SCN3A: variants seen among roughly 807,000 people sequenced by gnomAD.
SCN3A encodes the protein sodium voltage-gated channel alpha subunit 3, also known as sodium channel protein type 3 subunit alpha.
In SCN3A, 60 loss-of-function variants were observed where a neutral mutation model predicts 187.6. The ratio of observed to expected loss-of-function variants is 0.32; its 90% CI spans 0.26 to 0.40. The LOEUF (loss-of-function observed/expected upper bound fraction) is 0.40. SCN3A is among the 10% of genes least tolerant of loss of function. The pLI is 1.00. For synonymous variants in SCN3A, 788 were observed against 829.2 expected, an observed-to-expected ratio of 0.95 and a Z score of 0.85; for missense variants, 1,601 against 2,428.2, an observed-to-expected ratio of 0.66 and a Z score of 7.16.
In SCN3A at chr2:165,155,045, C is replaced by G. The variant is rs374132231; in HGVS notation, c.1174-387G>C. Among the ~76,000 whole-genome samples the G allele has an allele frequency of 2.3e-4, 35 of 152,244 alleles. No individual in the cohort carries two copies. In the East Asian group the frequency reaches 4.3e-3, roughly 19 times the overall value. On this transcript the variant is annotated intron_variant, in intron 10 of 27. Coordinates refer to ENST00000283254, the MANE Select transcript of SCN3A (RefSeq NM_006922.4). Reference sequence around the variant, plus strand: ...ATACCATCTATAGATGACTTTTGCTCCCCTCCCCTTCTAGTCTCAGTTAAT... The same window carrying G: ...ATACCATCTATAGATGACTTTTGCTGCCCTCCCCTTCTAGTCTCAGTTAAT...
In SCN3A at chr2:165,090,483, A is replaced by G. The variant is rs73969174; in HGVS notation, c.5670T>C (p.Pro1890=). 1.2e-3 allele frequency: 2,012 copies of G among 1,614,038 alleles called. 19 individuals carry two copies. The African/African-American group carries it at 0.024, about 20-fold the overall frequency. The stretch of plus-strand genomic sequence containing the variant: ...GTTTACGTTTCAAAGTGGTTGTAAT[A>G]GGCTCATAAGAGACTTTGGAGGGGT... ...ASNPSKVSYE[P]ITTTLKRKQE... The change falls in exon 28 of 28, where the codon CCT becomes CCC. Residue 1890 remains proline (P), a synonymous_variant. Coordinates refer to ENST00000283254, the MANE Select transcript of SCN3A (RefSeq NM_006922.4). The surrounding 1 kb of genome is among the most constrained non-coding windows in gnomAD (Gnocchi z 4.0).
intron 5 of SCN3A, 38 bp downstream of exon 5, chr2:165,168,698 G>T: frequency 1.5e-6 from 2 of 1,323,192 alleles, no homozygotes; most frequent in Non-Finnish European, 2.2e-6. Flanking sequence ...GAGAATTTGA[G>T]TGTGCATTTC....
At chr2:165,095,467 C>T (rs368353826) in intron 25 of SCN3A, 44 bp downstream of exon 25, 1 of 1,593,456 alleles carries the variant, frequency 6.3e-7, no homozygotes, top group East Asian at 2.2e-5. Context: ...TATTAACAGA[C>T]AGAACCCCAG....
Position 165,092,543 on chromosome 2 carries a change from G to A in SCN3A, c.4537-19C>T. ...ATTTGTTCTAGAAAGTGAGAGAAGA[G>A]AAATAAGGTTACTATATATATTTCA... On this transcript the variant is annotated intron_variant, in intron 26 of 27. Transcript: ENST00000283254. The surrounding 1 kb of genome is among the most constrained non-coding windows in gnomAD (Gnocchi z 4.2). The A allele has an allele frequency of 6.2e-7, 1 of 1,601,874 alleles. No individual in the cohort carries two copies.
rs1685174883 is a variant in SCN3A at position 165,092,795 on chromosome 2, G to A, written c.4537-271C>T. The A allele has an allele frequency of 2.5e-6, 1 of 393,678 alleles. No individual in the cohort carries two copies. The highest frequency in any genetic ancestry group is 5.3e-5 in the East Asian group (1 of 18,902). 24.4% of individuals were successfully genotyped at this position (393,678 alleles called of 1,614,324 possible). A position where few individuals can be genotyped will look rare whatever the true frequency, so the allele number is the denominator to read the frequency against. On this transcript the variant is annotated intron_variant, in intron 26 of 27. Transcript: ENST00000283254. The surrounding 1 kb of genome is among the most constrained non-coding windows in gnomAD (Gnocchi z 4.2). ...ATTAAGGCTGGGCGTGGCAACTCATGCCTGTAATTCCAGCACTTTAGGAGG... is the reference window on the plus strand; with the variant it reads ...ATTAAGGCTGGGCGTGGCAACTCATACCTGTAATTCCAGCACTTTAGGAGG...
intron 22 of SCN3A, among the ~76,000 whole-genome samples, chr2:165,099,755 AG>A (rs1372010164): frequency 6.6e-6 from 1 of 152,110 alleles, no homozygotes; most frequent in African/African-American, 2.4e-5. Context: ...AAAACTCTGG[AG>A]GTTGCCTGAA....
In SCN3A at chr2:165,176,222, C is replaced by G. The variant is rs757965286; in HGVS notation, c.173G>C (p.Gly58Ala). The G allele has an allele frequency of 6.2e-7, 1 of 1,614,122 alleles. No individual in the cohort carries two copies. Among genetic ancestry groups the G allele is most frequent in the Non-Finnish European group, 8.5e-7 (1 of 1,179,998 alleles). The change falls in exon 3 of 28, where the codon GGA (glycine) becomes GCA (alanine). Residue 58 changes from glycine (G) to alanine (A), a missense_variant. Gly to Ala is a moderately conservative substitution (Grantham distance 60, BLOSUM62 0). This residue lies in a region of SCN3A where 74 missense variants were observed against 77.7 expected (regional missense o/e 0.95). Transcript: ENST00000283254. ...KPKPNSDLEA[G>A]KNLPFIYGDI... is the part of the protein sequence containing the mutation. ...TCCATAAATAAATGGAAGGTTCTTT[C>G]CAGCTTCCAAGTCACTATTTGGCTT...
intron 21 of SCN3A, among the ~76,000 whole-genome samples, chr2:165,101,313 C>G (rs1269375367): frequency 6.6e-6 from 1 of 151,994 alleles, no homozygotes; most frequent in Non-Finnish European, 1.5e-5. Context: ...AAGACATGTC[C>G]TTTTTTGGGG....
intron 5 of SCN3A, among the ~76,000 whole-genome samples, chr2:165,167,143 C>T (rs1689819430): frequency 6.6e-6 from 1 of 152,134 alleles, no homozygotes; most frequent in Non-Finnish European, 1.5e-5. Context: ...CCTTCTTTAA[C>T]TATCTTTTAA....
At chr2:165,188,688 G>T (rs908141442) in intron 1 of SCN3A, among the ~76,000 whole-genome samples, 40 of 149,762 alleles carry the variant, frequency 2.7e-4, no homozygotes, top group African/African-American at 9.1e-4. Context: ...CAGGTACTCA[G>T]GAGGCTGACG....
Position 165,112,982 on chromosome 2 carries a change from T to C in SCN3A, c.3746A>G (p.Tyr1249Cys). The C allele has an allele frequency of 1.9e-6, 3 of 1,613,110 alleles. No homozygotes were observed. The highest frequency in any genetic ancestry group is 2.5e-6 in the Non-Finnish European group (3 of 1,179,406). Residue 1249 changes from tyrosine to cysteine, a missense_variant, in exon 21 of 28, where the codon TAT becomes TGT. By Grantham distance (194) the Tyr-to-Cys change is radical. Coordinates refer to ENST00000283254, the MANE Select transcript of SCN3A (RefSeq NM_006922.4). ...GAGAAGCATTTCCAGAATGAATATA[T>C]AGGTAAAGACTTTGTCAGCATATTC... ...MLEYADKVFT[Y>C]IFILEMLLKW...
chr2:165,192,216 T>A (rs1009163734), intron 1 of SCN3A, among the ~76,000 whole-genome samples: 6 of 152,004 alleles, frequency 3.9e-5, no homozygotes, highest in Non-Finnish European at 7.4e-5. Flanking sequence ...TACATTACAA[T>A]CCTCTTTACC....
At position 165,092,305 on chromosome 2, in the gene SCN3A, T is replaced by A. The variant is rs1482642909; in HGVS notation, c.4756A>T (p.Thr1586Ser). The A allele has an allele frequency of 1.2e-6, 2 of 1,613,846 alleles. No homozygotes were observed. The highest frequency in any genetic ancestry group is 1.7e-6 in the Non-Finnish European group (2 of 1,179,926). ...AAGTCAAAGATGTTCCAGCCTATAG[T>A]GAAGTAGTAGTGTCTGAGGGAGACG... ...KLVSLRHYYF[T>S]IGWNIFDFVV... Residue 1586 changes from threonine (T) to serine (S), a missense_variant, in exon 27 of 28, where the codon ACT becomes TCT. By Grantham distance (58) the Thr-to-Ser change is moderately conservative (BLOSUM62 1). Transcript: ENST00000283254. This position sits in a 1 kb window ranked among gnomAD's most constrained non-coding sequence, Gnocchi z 4.2.
At chr2:165,114,082 C>A in intron 19 of SCN3A, 112 bp from the exon 20 acceptor site, 1 of 630,570 alleles carries the variant, frequency 1.6e-6, no homozygotes, top group South Asian at 2.4e-5. Context: ...CATAGGGTAA[C>A]CATCTCCTTC....
At chr2:165,129,881 C>G in intron 17 of SCN3A, 59 bp downstream of exon 17, 1 of 1,604,932 alleles carries the variant, frequency 6.2e-7, no homozygotes, top group South Asian at 1.1e-5. Context: ...CATCTGGCCA[C>G]GTTCCTAGCT....
chr2:165,100,271 C>T, intron 22 of SCN3A, 31 bp downstream of exon 22: 1 of 1,609,316 alleles, frequency 6.2e-7, no homozygotes, highest in African/African-American at 1.3e-5. Flanking sequence ...GTAATTTTGA[C>T]ATGAATAATT....
Position 165,097,378 on chromosome 2 carries a change from G to A in SCN3A, c.4113C>T (p.Asn1371=), listed in dbSNP as rs143550352. ...TGTTAACATCACTAATGTCAAACAT[G>A]TTACCCGTTGTCATGTTAACACAGT... is the stretch of plus-strand genomic sequence containing the variant. The part of the protein sequence containing the change: ...FYHCVNMTTG[N]MFDISDVNNL... The change falls in exon 23 of 28, where the codon AAC becomes AAT. Residue 1371 remains asparagine, a synonymous_variant. Coordinates refer to ENST00000283254, the MANE Select transcript of SCN3A (RefSeq NM_006922.4). 77 of 1,613,894 alleles carry A rather than the reference G, an allele frequency of 4.8e-5. No homozygotes were observed. Among genetic ancestry groups the A allele is most frequent in the Admixed American group, 6.7e-5 (4 of 59,976 alleles).
chr2:165,184,520 G>C (rs1333953499), intron 2 of SCN3A, among the ~76,000 whole-genome samples: 1 of 147,258 alleles, frequency 6.8e-6, no homozygotes, highest in Non-Finnish European at 1.5e-5. Flanking sequence ...AAAAAGCCTA[G>C]GTACCTAAGC....
intron 9 of SCN3A, among the ~76,000 whole-genome samples, chr2:165,161,870 G>T (rs993869070): frequency 2.0e-5 from 3 of 152,144 alleles, no homozygotes; most frequent in African/African-American, 7.2e-5. Context: ...ATATTTCAAA[G>T]CACTTCCCCA....
Sources: gnomAD v4.1 joint callset for allele counts (sites outside exome capture counted in the v4.1 genomes callset) on GRCh38, gnomAD v4.1.1 for gene constraint, gnomAD v4.1.1 regional missense constraint, Gnocchi (gnomAD v3.1) non-coding constraint, MANE v1.5 for transcripts, NCBI Gene and HGNC (gene_info 2026-07-23, HGNC 2026-07-21) for gene names.